The following SPTLC1 variants were observed in gnomAD, a reference collection of about 807,000 sequenced individuals.
SPTLC1 encodes the protein serine palmitoyltransferase 1.
In SPTLC1, 55 loss-of-function variants were observed where a neutral mutation model predicts 68.9. The observed-to-expected ratio is 0.80, with a 90% confidence interval of 0.64 to 1.00. The LOEUF is 1.00. Ranked by LOEUF, SPTLC1 falls within the 50% of genes least tolerant of loss-of-function variation. SPTLC1 has a pLI of 0.00. For missense variants in SPTLC1, 449 were observed against 573.1 expected, an observed-to-expected ratio of 0.78 and a Z score of 2.21; for synonymous variants, 197 against 201.6, an observed-to-expected ratio of 0.98 and a Z score of 0.19.
chr9:92,076,129 T>C (rs957923508), intron 5 of SPTLC1, among the ~76,000 whole-genome samples: 4 of 152,176 alleles, frequency 2.6e-5, no homozygotes, highest in Admixed American at 2.0e-4. Context: ...AAGGACTGCA[T>C]GTTAATATCT....
intron 8 of SPTLC1, among the ~76,000 whole-genome samples, chr9:92,052,587 T>TG (rs1833742128): frequency 6.6e-6 from 1 of 151,930 alleles, no homozygotes; most frequent in Admixed American, 6.6e-5. Context: ...TGGAGTGCAC[T>TG]GGCGTGATCT....
intron 5 of SPTLC1, among the ~76,000 whole-genome samples, chr9:92,075,159 A>G (rs113570476): frequency 3.3e-5 from 5 of 152,286 alleles, no homozygotes; most frequent in African/African-American, 1.2e-4. Context: ...TCCAAGGGGT[A>G]CAGAGTATCC....
At chr9:92,061,906 A>G (rs922221368) in intron 6 of SPTLC1, among the ~76,000 whole-genome samples, 2 of 152,182 alleles carry the variant, frequency 1.3e-5, no homozygotes, top group African/African-American at 4.8e-5. Flanking sequence ...GAAAAGAGAA[A>G]ATAGAGAAAC....
Position 92,115,323 on chromosome 9 carries a change from C to A in SPTLC1, c.48G>T (p.Ala16=). The part of the protein sequence containing the change: ...EQWVLVEMVQ[A]LYEAPAYHLI... The stretch of plus-strand genomic sequence containing the variant: ...ATGGCGCGGAGCCCACCTCGTAAAG[C>A]GCCTGTACCATCTCCACCAGAACCC... Residue 16 remains alanine (A), a synonymous_variant, in exon 1 of 15, where the codon GCG becomes GCT. Coordinates refer to ENST00000262554, the MANE Select transcript of SPTLC1 (RefSeq NM_006415.4). 6.2e-7 allele frequency: 1 copy of A among 1,612,198 alleles called. No homozygotes were observed. The highest frequency in any genetic ancestry group is 1.1e-5 in the South Asian group (1 of 91,024).
At chr9:92,108,922 T>G in intron 2 of SPTLC1, 88 bp from the exon 3 acceptor site, 3 of 1,572,618 alleles carry the variant, frequency 1.9e-6, no homozygotes. Flanking sequence ...CTTATTATTC[T>G]AATTCTACTA....
chr9:92,079,348 T>C (rs1170025124), intron 5 of SPTLC1: 12 of 1,397,314 alleles, frequency 8.6e-6, no homozygotes, highest in Non-Finnish European at 1.1e-5. Flanking sequence ...AGTGCTGGGA[T>C]TACAGGCATG....
At chr9:92,096,700 A>C (rs1311704246) in intron 3 of SPTLC1, among the ~76,000 whole-genome samples, 2 of 152,206 alleles carry the variant, frequency 1.3e-5, no homozygotes, top group Admixed American at 6.5e-5. Flanking sequence ...ATTACACACT[A>C]AATGTAAGGG....
intron 3 of SPTLC1, among the ~76,000 whole-genome samples, chr9:92,082,785 T>G (rs1389032407): frequency 6.6e-6 from 1 of 151,514 alleles, no homozygotes; most frequent in Non-Finnish European, 1.5e-5. Flanking sequence ...AAATGGTATT[T>G]CTAGTTCTAG....
chr9:92,111,778 T>C (rs1320046698), intron 2 of SPTLC1: 1 of 152,332 alleles, frequency 6.6e-6, no homozygotes, highest in Non-Finnish European at 1.5e-5. Context: ...TCACTTTACT[T>C]CAACTTCGGC....
intron 3 of SPTLC1, chr9:92,104,715 A>C: frequency 4.6e-6 from 7 of 1,529,294 alleles, no homozygotes; most frequent in Non-Finnish European, 6.1e-6. Context: ...CAGGGGCAGG[A>C]GGACAATAAA....
rs117063699 is a variant in SPTLC1 at position 92,052,966 on chromosome 9, A to G, written c.780+2439T>C. Among the ~76,000 whole-genome samples the G allele has an allele frequency of 1.3e-3, 200 of 152,240 alleles. 2 individuals carry two copies. The East Asian group carries it at 0.035, about 27-fold the overall frequency. On this transcript the variant is annotated intron_variant, in intron 8 of 14. Transcript: ENST00000262554. ...AATAAATGAAACAAACCCCCACAAA[A>G]TAGGAGAAAATATTTGCAAATCATG...
intron 3 of SPTLC1, among the ~76,000 whole-genome samples, chr9:92,101,884 A>G (rs1186428979): frequency 6.6e-6 from 1 of 152,072 alleles, no homozygotes; most frequent in Non-Finnish European, 1.5e-5. Context: ...TAACAAAACA[A>G]TAGCTGAAAA....
intron 8 of SPTLC1, among the ~76,000 whole-genome samples, chr9:92,052,124 C>A (rs1227222326): frequency 1.3e-5 from 2 of 152,162 alleles, no homozygotes; most frequent in Admixed American, 1.3e-4. Flanking sequence ...TTTCAAGAGA[C>A]CCCAAATAGC....
intron 7 of SPTLC1, among the ~76,000 whole-genome samples, chr9:92,056,298 C>T (rs775582785): frequency 1.3e-5 from 2 of 152,142 alleles, no homozygotes; most frequent in Non-Finnish European, 1.5e-5. Flanking sequence ...GGCGCCATCT[C>T]TGCTCGCTGC....
At chr9:92,115,039 G>T (rs1362393437) in intron 1 of SPTLC1, 1 of 545,262 alleles carries the variant, frequency 1.8e-6, no homozygotes, top group Non-Finnish European at 3.3e-6. Context: ...TGTCTCCTGC[G>T]TCCCCTTACA....
In SPTLC1 at chr9:92,049,478, T is replaced by C. The variant is rs116796170; in HGVS notation, c.888+482A>G. Among the ~76,000 whole-genome samples the C allele has an allele frequency of 9.4e-3, 1,436 of 152,142 alleles. 31 individuals are homozygous for C. Among genetic ancestry groups the C allele is most frequent in the African/African-American group, 0.03 (1,256 of 41,502 alleles). ...TTTGCTGAATGCATGCCAGTGGTGT[T>C]TCTGACACACACACACATGCACACA... On this transcript the variant is annotated intron_variant, in intron 9 of 14. Transcript: ENST00000262554.
intron 12 of SPTLC1, among the ~76,000 whole-genome samples, chr9:92,039,421 A>G (rs1833264053): frequency 6.6e-6 from 1 of 151,774 alleles, no homozygotes; most frequent in Admixed American, 6.6e-5. Context: ...TACTACTATT[A>G]TTATTATTAT....
rs573258847 is a variant in SPTLC1 at position 92,064,631 on chromosome 9, T to C, written c.560+3335A>G. 1.2e-3 allele frequency among the ~76,000 whole-genome samples: 184 copies of C among 152,354 alleles called. 1 individual carries two copies. The highest frequency in any genetic ancestry group is 3.1e-3 in the Admixed American group (48 of 15,302). ...TGTATTCCACAGAAATAAAAACTTA[T>C]GCTCACATAGCATGAATGTACATGA... On this transcript the variant is annotated intron_variant, in intron 6 of 14. Transcript: ENST00000262554.
intron 3 of SPTLC1, among the ~76,000 whole-genome samples, chr9:92,099,568 C>T (rs1347103765): frequency 1.3e-5 from 2 of 151,782 alleles, no homozygotes; most frequent in Admixed American, 6.6e-5. Flanking sequence ...CAACCTCCAC[C>T]TCCCAGGCTC....
Sources: gnomAD v4.1 joint callset for allele counts (sites outside exome capture counted in the v4.1 genomes callset) on GRCh38, gnomAD v4.1.1 for gene constraint, MANE v1.5 for transcripts, NCBI Gene and HGNC (gene_info 2026-07-23, HGNC 2026-07-21) for gene names.